Variants in ANK3 observed in about 807,000 individuals in gnomAD.
The protein encoded by ANK3 is ankyrin 3.
ANK3 carries 57 observed loss-of-function variants against 370.9 expected under a neutral mutation model. The ratio of observed to expected loss-of-function variants is 0.15; its 90% CI spans 0.12 to 0.19. The LOEUF (loss-of-function observed/expected upper bound fraction) is 0.19, where lower values mean the gene tolerates loss of function less well. ANK3 is among the 10% of genes least tolerant of loss of function. The pLI is 1.00. For synonymous variants in ANK3, 1,929 were observed against 1,946.3 expected (o/e 0.99, Z 0.23); for missense variants, 4,439 against 5,302.1 (o/e 0.84, Z 5.06).
rs771714886 is a variant in ANK3, at chr10:60,177,593, C to CTTTT, written c.2184+3732_2184+3735dup. 9.9e-4 allele frequency among the ~76,000 whole-genome samples: 105 copies of CTTTT among 106,290 alleles called. 26 individuals carry two copies. Among genetic ancestry groups the CTTTT allele is most frequent in the Middle Eastern group, 0.017 (2 of 118 alleles). The allele number at this position is 106,290 out of a possible 152,430, so 69.7% of individuals were successfully genotyped here. ...CCCATACCACACATGGTCTTCAAAT[C>CTTTT]TTTTTTTTTTTTTTTTTTGTTTGAG... On this transcript the variant is annotated intron_variant, in intron 18 of 43. Coordinates refer to ENST00000280772, the MANE Select transcript of ANK3 (RefSeq NM_020987.5).
At chr10:60,718,739 T>G (rs1320589319) in intron 1 of ANK3, among the ~76,000 whole-genome samples, 1 of 152,124 alleles carries the variant, frequency 6.6e-6, no homozygotes, top group Non-Finnish European at 1.5e-5. Flanking sequence ...ATTTTTTTTA[T>G]GGCCACCCCA....
chr10:60,336,425 C>T (rs1312082317), intron 1 of ANK3, among the ~76,000 whole-genome samples: 1 of 152,164 alleles, frequency 6.6e-6, no homozygotes, highest in African/African-American at 2.4e-5. Flanking sequence ...ACTGTAAGCC[C>T]TGGATGCTCT....
chr10:60,173,108 T>C lies in ANK3; in HGVS notation c.2263A>G (p.Lys755Glu). The C allele has an allele frequency of 6.2e-7, 1 of 1,614,122 alleles. No homozygotes were observed. Among genetic ancestry groups the C allele is most frequent in the African/African-American group, 1.3e-5 (1 of 75,038 alleles). Residue 755 changes from lysine to glutamate, a missense_variant, in exon 19 of 44, where the codon AAA (lysine) becomes GAA (glutamate). Lys to Glu is a moderately conservative substitution (Grantham distance 56, BLOSUM62 1). Around this residue, in one of 13 missense-constraint regions of ANK3, gnomAD observed 702 missense variants for 941.5 expected, o/e 0.75. Transcript: ENST00000280772. ...IVNFLLQHSA[K>E]VNAKTKNGYT... ...CTTACCTTTGTTTTGGCATTAACTT[T>C]TGCAGAATGCTGGAGCAGGAAATTA...
chr10:60,601,368 G>A (rs372850626), intron 2 of ANK3, among the ~76,000 whole-genome samples: 47 of 152,098 alleles, frequency 3.1e-4, no homozygotes, highest in African/African-American at 1.0e-3. Flanking sequence ...TGTTCAGGTC[G>A]TCAAGGTTAG....
chr10:60,590,639 C>T (rs2077895776), intron 2 of ANK3, among the ~76,000 whole-genome samples: 2 of 152,186 alleles, frequency 1.3e-5, no homozygotes, highest in Non-Finnish European at 2.9e-5. Context: ...TTTGCCCAGC[C>T]TTTCTCAAAA....
At chr10:60,141,561 G>GTTTTTTTTTTTTTTTTTT (rs36033791) in intron 23 of ANK3, among the ~76,000 whole-genome samples, 3 of 49,032 alleles carry the variant, frequency 6.1e-5, no homozygotes, top group Admixed American at 2.6e-4. Context: ...TTCAATTGCT[G>GTTTTTTTTTTTTTTTTTT]TTTTTTTTTT....
chr10:60,351,203 T>C (rs1319278426), intron 1 of ANK3, among the ~76,000 whole-genome samples: 3 of 152,160 alleles, frequency 2.0e-5, no homozygotes, highest in African/African-American at 4.8e-5. Flanking sequence ...TTGCTCCCAA[T>C]AGTTAATAGG....
Position 60,234,868 on chromosome 10 carries a change from C to T in ANK3, c.799-82G>A, listed in dbSNP as rs2097304714. ...CTTTCTAAACTTCCCCCAACATATC[C>T]CCATTTCCCCCTCTCCTTTTCTAAA... On this transcript the variant is annotated intron_variant, in intron 7 of 43. Coordinates refer to ENST00000280772, the MANE Select transcript of ANK3 (RefSeq NM_020987.5). 30 of 782,490 alleles carry T rather than the reference C, an allele frequency of 3.8e-5. No homozygotes were observed. In the South Asian group the frequency reaches 4.3e-4, roughly 11 times the overall value. The allele number at this position is 782,490 out of a possible 1,614,324, so 48.5% of individuals were successfully genotyped here. A position where few individuals can be genotyped will look rare whatever the true frequency, so the allele number is the denominator to read the frequency against.
rs755920926 is a variant in ANK3, at chr10:60,084,809, A to C, written c.3867T>G (p.His1289Gln). The change falls in exon 32 of 44, where the codon CAT becomes CAG. Residue 1289 changes from histidine (H) to glutamine (Q), a missense_variant. Coordinates refer to ENST00000280772, the MANE Select transcript of ANK3 (RefSeq NM_020987.5). ...CTAACCCCACAGTTTCTAAAACTTG[A>C]TGGCAGTCTGCAAGCCAAAATCTGA... ...VSARFWLADC[H>Q]QVLETVGLAT... 6.4e-7 allele frequency: 1 copy of C among 1,556,516 alleles called. No individual in the cohort carries two copies. Among genetic ancestry groups the C allele is most frequent in the Non-Finnish European group, 8.7e-7 (1 of 1,153,856 alleles).
intron 2 of ANK3, among the ~76,000 whole-genome samples, chr10:60,570,323 T>G (rs1254429883): frequency 6.6e-6 from 1 of 152,144 alleles, no homozygotes; most frequent in Non-Finnish European, 1.5e-5. Context: ...ATGTGTTAAG[T>G]GTCCAGACAG....
chr10:60,226,898 A>G (rs1045555307), intron 8 of ANK3, among the ~76,000 whole-genome samples: 6 of 151,040 alleles, frequency 4.0e-5, no homozygotes, highest in African/African-American at 1.5e-4. Flanking sequence ...CATATCATAG[A>G]CCTCACAATA....
At chr10:60,197,319 C>T (rs2096602359) in intron 14 of ANK3, among the ~76,000 whole-genome samples, 1 of 152,160 alleles carries the variant, frequency 6.6e-6, no homozygotes, top group African/African-American at 2.4e-5. Flanking sequence ...GTGGCTGGCT[C>T]CCTCAGACTT....
intron 2 of ANK3, among the ~76,000 whole-genome samples, chr10:60,510,750 G>A (rs1179531677): frequency 6.6e-6 from 1 of 152,104 alleles, no homozygotes; most frequent in Non-Finnish European, 1.5e-5. Flanking sequence ...AATCTGGGAG[G>A]TGGAGGTTGT....
Position 60,279,522 on chromosome 10 carries a change from A to C in ANK3, c.216+16T>G. On this transcript the variant is annotated intron_variant, in intron 2 of 43. Coordinates refer to ENST00000280772, the MANE Select transcript of ANK3 (RefSeq NM_020987.5). ...TAGAATTTTAAGTAAAAAATTCAAT[A>C]ATAACTCCAGCTAACCTGATTGCAA... is the stretch of plus-strand genomic sequence containing the variant. The C allele has an allele frequency of 6.4e-7, 1 of 1,570,720 alleles. No homozygotes were observed. Among genetic ancestry groups the C allele is most frequent in the South Asian group, 1.2e-5 (1 of 84,132 alleles).
intron 2 of ANK3, among the ~76,000 whole-genome samples, chr10:60,415,916 G>GGCCCCCCC: frequency 1.2e-5 from 1 of 81,276 alleles, no homozygotes; most frequent in African/African-American, 4.7e-5. Context: ...CTGAATTTGT[G>GGCCCCCCC]CCCCCCACCC....
At chr10:60,116,787 T>A (rs1205019255) in intron 25 of ANK3, among the ~76,000 whole-genome samples, 5 of 140,420 alleles carry the variant, frequency 3.6e-5, no homozygotes, top group Non-Finnish European at 6.2e-5. Context: ...AGAAAAAAAA[T>A]TGTGAACAAA....
intron 13 of ANK3, among the ~76,000 whole-genome samples, chr10:60,198,795 C>T (rs2096626978): frequency 6.6e-6 from 1 of 151,970 alleles, no homozygotes; most frequent in Non-Finnish European, 1.5e-5. Context: ...TACACCCCAC[C>T]CACACCTGCC....
At position 60,550,813 on chromosome 10, in the gene ANK3, T is replaced by C. The variant is rs7896654; in HGVS notation, c.96+64373A>G. 6.0e-3 allele frequency among the ~76,000 whole-genome samples: 913 copies of C among 152,152 alleles called. 13 individuals are homozygous for C. Among genetic ancestry groups the C allele is most frequent in the African/African-American group, 0.02 (847 of 41,552 alleles). On this transcript the variant is annotated intron_variant, in intron 2 of 43. Transcript: ENST00000373827. Reference sequence around the variant, plus strand: ...TGCGAGTTTTTCATAAACTGGGAAGTTTTTTTGTTTTTGCTTTTGATTTTT... The same window carrying C: ...TGCGAGTTTTTCATAAACTGGGAAGCTTTTTTGTTTTTGCTTTTGATTTTT...
intron 1 of ANK3, among the ~76,000 whole-genome samples, chr10:60,687,288 T>C (rs1308677076): frequency 3.3e-5 from 5 of 152,180 alleles, no homozygotes; most frequent in Non-Finnish European, 5.9e-5. Context: ...GGAAGCCATA[T>C]CTGATAAAGG....
Sources: gnomAD v4.1 joint callset for allele counts (sites outside exome capture counted in the v4.1 genomes callset) on GRCh38, gnomAD v4.1.1 for gene constraint, gnomAD v4.1.1 regional missense constraint, MANE v1.5 for transcripts, NCBI Gene and HGNC (gene_info 2026-07-23, HGNC 2026-07-21) for gene names.